The following DNAH10 variants were observed in gnomAD, a reference collection of about 807,000 sequenced individuals.
DNAH10 encodes dynein axonemal heavy chain 10, also known as axonemal beta dynein heavy chain 10.
DNAH10 carries 348 observed loss-of-function variants against 506.6 expected under a neutral mutation model. That is an observed-to-expected ratio of 0.69 (90% CI 0.63 to 0.75). The LOEUF (loss-of-function observed/expected upper bound fraction) is 0.75. Among genes scored for constraint, DNAH10 ranks in the 30% least tolerant of loss-of-function variants. The probability of loss-of-function intolerance (pLI) is 0.00; values close to 1 mark genes in which losing one functional copy is unlikely to be tolerated. For synonymous variants in DNAH10, 2,059 were observed against 2,198.6 expected, an observed-to-expected ratio of 0.94 and a Z score of 1.78; for missense variants, 5,179 against 5,787.1, an observed-to-expected ratio of 0.89 and a Z score of 3.41.
At chr12:123,829,131 A>G (rs1220443389) in intron 25 of DNAH10, among the ~76,000 whole-genome samples, 2 of 152,224 alleles carry the variant, frequency 1.3e-5, no homozygotes, top group African/African-American at 4.8e-5. Flanking sequence ...TGCCTTCCTG[A>G]AGATAAGGCT....
chr12:123,887,208 T>C lies in DNAH10; in HGVS notation c.8890T>C (p.Tyr2964His). ...TTTCCGGGAAGACCTGAAGAGCCTC[T>C]ATTTGAAACTTGGGATTGAGAACAA... Reference protein sequence around the residue: ...NSFREDLKSLYLKLGIENKAM... With the variant: ...NSFREDLKSLHLKLGIENKAM... The change falls in exon 52 of 79, where the codon TAT becomes CAT. Residue 2964 changes from tyrosine (Y) to histidine (H), a missense_variant. Coordinates refer to ENST00000673944, the MANE Select transcript of DNAH10 (RefSeq NM_001372106.1). 6.2e-7 allele frequency: 1 copy of C among 1,613,764 alleles called. No homozygotes were observed. The highest frequency in any genetic ancestry group is 8.5e-7 in the Non-Finnish European group (1 of 1,179,806).
intron 60 of DNAH10, 33 bp from the exon 61 acceptor site, chr12:123,914,296 A>ACTG (rs113172657): frequency 0.26 from 415,269 of 1,590,226 alleles, 55,926 homozygotes; most frequent in African/African-American, 0.44. Context: ...CAGAAGGTAA[A>ACTG]CTCACGGCAG....
At chr12:123,929,603 T>C in intron 71 of DNAH10, 61 bp from the exon 72 acceptor site, 1 of 1,578,126 alleles carries the variant, frequency 6.3e-7, no homozygotes, top group Non-Finnish European at 8.6e-7. Flanking sequence ...TTCAGAAAAG[T>C]ATCAGAATGT....
chr12:123,800,942 G>A (rs1958460640), intron 15 of DNAH10, among the ~76,000 whole-genome samples: 1 of 151,954 alleles, frequency 6.6e-6, no homozygotes, highest in South Asian at 2.1e-4. Context: ...GCCTGAACCT[G>A]GCAGGCAGAG....
chr12:123,847,837 C>A (rs563841026), intron 32 of DNAH10, 124 bp from the exon 33 acceptor site: 2 of 1,328,654 alleles, frequency 1.5e-6, no homozygotes, highest in East Asian at 2.4e-5. Flanking sequence ...CAAGTTGACA[C>A]ATGAAAGCAA....
intron 52 of DNAH10, among the ~76,000 whole-genome samples, chr12:123,891,821 G>A (rs568419086): frequency 6.6e-6 from 1 of 152,308 alleles, no homozygotes; most frequent in South Asian, 2.1e-4. Flanking sequence ...ACAGCAAAAG[G>A]ACACAGAGCA....
chr12:123,879,805 G>A lies in DNAH10; in HGVS notation c.8634+4G>A. ...GGCGGCCAAGGCTCTGTTCCAGGTGGGGATGAGCCCCACCCTGTCCATGGG... is the reference window on the plus strand; with the variant it reads ...GGCGGCCAAGGCTCTGTTCCAGGTGAGGATGAGCCCCACCCTGTCCATGGG... On this transcript the variant is annotated splice_donor_region_variant and intron_variant, in intron 50 of 78. Coordinates refer to ENST00000673944, the MANE Select transcript of DNAH10 (RefSeq NM_001372106.1). 1 of 1,613,626 alleles carries A rather than the reference G, an allele frequency of 6.2e-7. No homozygotes were observed. The highest frequency in any genetic ancestry group is 8.5e-7 in the Non-Finnish European group (1 of 1,179,600).
chr12:123,805,988 G>C (rs758901311), intron 18 of DNAH10, among the ~76,000 whole-genome samples: 5 of 152,262 alleles, frequency 3.3e-5, no homozygotes, highest in Non-Finnish European at 7.4e-5. Context: ...GTGTTAGCCA[G>C]GGTGGTCTTG....
chr12:123,813,719 T>C, intron 20 of DNAH10, 35 bp from the exon 21 acceptor site: 3 of 1,612,892 alleles, frequency 1.9e-6, no homozygotes, highest in South Asian at 1.1e-5. Context: ...GTTTTTTCTG[T>C]GTTTGCTTAG....
chr12:123,927,151 G>A (rs776924391), intron 69 of DNAH10: 13 of 282,476 alleles, frequency 4.6e-5, no homozygotes, highest in Non-Finnish European at 8.5e-5. Context: ...TGAAGTGATC[G>A]TCCTGCCTCA....
chr12:123,764,720 C>A (rs984601890), intron 1 of DNAH10, among the ~76,000 whole-genome samples: 1 of 152,144 alleles, frequency 6.6e-6, no homozygotes, highest in Non-Finnish European at 1.5e-5. Flanking sequence ...CCCCACCCCG[C>A]CCCCTGACCC....
At chr12:123,877,713 G>GT (rs1952318585) in intron 47 of DNAH10, 23 bp from the exon 48 acceptor site, 2 of 1,603,560 alleles carry the variant, frequency 1.2e-6, no homozygotes, top group Non-Finnish European at 1.7e-6. Flanking sequence ...GTGTGTTGGG[G>GT]GGGGTGTCTT....
chr12:123,867,023 G>A (rs1045704397), intron 41 of DNAH10, among the ~76,000 whole-genome samples: 7 of 152,200 alleles, frequency 4.6e-5, no homozygotes, highest in African/African-American at 1.7e-4. Flanking sequence ...AACAAAGGAA[G>A]CATGACAGAA....
At position 123,771,647 on chromosome 12, in the gene DNAH10, C is replaced by T. The variant is rs755491726; in HGVS notation, c.345C>T (p.Asn115=). ...CCGAATCTCTAGGCCAACCTCTAAA[C>T]AGAGAGGATGAAGAAATGGACAAAG... ...LRTESLGQPL[N]REDEEMDKEI... is the part of the protein sequence containing the mutation. Residue 115 remains asparagine (N), a synonymous_variant, in exon 3 of 79, where the codon AAC becomes AAT. Transcript: ENST00000673944. 17 of 1,613,518 alleles carry T rather than the reference C, an allele frequency of 1.1e-5. No homozygotes were observed. Among genetic ancestry groups the T allele is most frequent in the East Asian group, 4.5e-5 (2 of 44,902 alleles).
At position 123,914,500 on chromosome 12, in the gene DNAH10, C is replaced by T. The variant is rs1954375684; in HGVS notation, c.10524C>T (p.Ser3508=). 3 of 1,613,716 alleles carry T rather than the reference C, an allele frequency of 1.9e-6. No individual in the cohort carries two copies. The highest frequency in any genetic ancestry group is 2.2e-5 in the South Asian group (2 of 91,082). Residue 3508 remains serine (S), a synonymous_variant, in exon 61 of 79, where the codon AGC becomes AGT. Coordinates refer to ENST00000673944, the MANE Select transcript of DNAH10 (RefSeq NM_001372106.1). ...NDILEREIPL[S]QPFRLESLLT... is the part of the protein sequence containing the mutation. ...TCCTGGAGCGGGAGATCCCCCTGAGCCAGCCTTTCCGGCTGGAAAGCCTGC... is the reference window on the plus strand; with the variant it reads ...TCCTGGAGCGGGAGATCCCCCTGAGTCAGCCTTTCCGGCTGGAAAGCCTGC...
intron 36 of DNAH10, among the ~76,000 whole-genome samples, chr12:123,856,515 T>G (rs1348996430): frequency 6.0e-5 from 9 of 150,454 alleles, no homozygotes; most frequent in Non-Finnish European, 1.3e-4. Context: ...TTTTGTGTTT[T>G]TAGTAGAGAT....
rs747071981 is a variant in DNAH10 at position 123,848,776 on chromosome 12, G to A, written c.5996G>A (p.Gly1999Asp). The A allele has an allele frequency of 6.2e-7, 1 of 1,613,988 alleles. No individual in the cohort carries two copies. Among genetic ancestry groups the A allele is most frequent in the South Asian group, 1.1e-5 (1 of 91,062 alleles). The change falls in exon 34 of 79, where the codon GGC becomes GAC. Residue 1999 changes from glycine to aspartate, a missense_variant. Physicochemically the swap from Gly to Asp is moderately conservative, Grantham distance 94. This residue lies in a region of DNAH10 where 4,844 missense variants were observed against 5,430.5 expected (regional missense o/e 0.89). Transcript: ENST00000673944. ...FSGLAQCGAW[G>D]CFDEFNRIDA... ...GGCCTGGCACAGTGCGGGGCTTGGGGCTGCTTTGATGAGTTTAATCGAATC... is the reference window on the plus strand; with the variant it reads ...GGCCTGGCACAGTGCGGGGCTTGGGACTGCTTTGATGAGTTTAATCGAATC...
At chr12:123,815,576 T>G (rs1959116211) in intron 21 of DNAH10, among the ~76,000 whole-genome samples, 1 of 152,232 alleles carries the variant, frequency 6.6e-6, no homozygotes, top group African/African-American at 2.4e-5. Flanking sequence ...GGGAAATCCG[T>G]GTCTTGTTCT....
In DNAH10 at chr12:123,875,298, A is replaced by G. The variant is rs963080607; in HGVS notation, c.8006A>G (p.Tyr2669Cys). 2.5e-6 allele frequency: 4 copies of G among 1,613,324 alleles called. No homozygotes were observed. The highest frequency in any genetic ancestry group is 2.5e-6 in the Non-Finnish European group (3 of 1,179,612). Residue 2669 changes from tyrosine (Y) to cysteine (C), a missense_variant, in exon 47 of 79, where the codon TAT becomes TGT. Physicochemically the swap from Tyr to Cys is radical, Grantham distance 194 (BLOSUM62 -2). Transcript: ENST00000673944. ...LKLLLEKGYL[Y>C]DRGKELNCKS... ...CTGCTGTTGGAAAAAGGCTACTTAT[A>G]TGACCGTGGGAAGGAGCTGAACTGT...
Sources: allele counts gnomAD v4.1 joint callset (sites outside exome capture counted in the v4.1 genomes callset), GRCh38; gene constraint gnomAD v4.1.1; regional missense constraint gnomAD v4.1.1; transcripts MANE v1.5; gene names NCBI Gene and HGNC (gene_info 2026-07-23, HGNC 2026-07-21).